COMMD1: variants seen among roughly 807,000 people sequenced by gnomAD.
COMMD1 encodes copper metabolism domain containing 1.
Under a neutral mutation model 17.2 loss-of-function variants are expected in COMMD1, and 10 were observed. The ratio of observed to expected loss-of-function variants is 0.58; its 90% CI spans 0.36 to 0.99. The LOEUF is 0.99. Among genes scored for constraint, COMMD1 ranks in the 50% least tolerant of loss-of-function variants. The probability of loss-of-function intolerance (pLI) is 0.01; values close to 1 mark genes in which losing one functional copy is unlikely to be tolerated. For synonymous variants in COMMD1, 97 were observed against 91.6 expected (o/e 1.06, Z -0.34); for missense variants, 270 against 231.8 (o/e 1.17, Z -1.07).
chr2:61,922,151 G>A (rs116529919), intron 1 of COMMD1, among the ~76,000 whole-genome samples: 2,445 of 152,272 alleles, frequency 0.016, 65 homozygotes, highest in East Asian at 0.091. Context: ...TAGAAAACTT[G>A]GTGATTTTTG....
chr2:62,074,164 A>G (rs1671275069), intron 2 of COMMD1, among the ~76,000 whole-genome samples: 2 of 152,170 alleles, frequency 1.3e-5, no homozygotes, highest in South Asian at 2.1e-4. Flanking sequence ...CATCACATCA[A>G]TGTGTTAATT....
At chr2:62,086,047 C>G (rs891145260) in intron 2 of COMMD1, among the ~76,000 whole-genome samples, 3 of 151,522 alleles carry the variant, frequency 2.0e-5, no homozygotes, top group Admixed American at 2.0e-4. Context: ...CACACCTAGT[C>G]GCATCTACTG....
At chr2:62,056,898 C>G (rs1409580099) in intron 2 of COMMD1, among the ~76,000 whole-genome samples, 2 of 152,218 alleles carry the variant, frequency 1.3e-5, no homozygotes, top group Non-Finnish European at 2.9e-5. Context: ...TCCATACATT[C>G]TGGGTTAAAG....
At chr2:62,093,541 G>T (rs894224549) in intron 2 of COMMD1, among the ~76,000 whole-genome samples, 1 of 152,162 alleles carries the variant, frequency 6.6e-6, no homozygotes, top group African/African-American at 2.4e-5. Context: ...TTTCTCTTGA[G>T]GGGTAGATGC....
At chr2:61,955,216 T>C (rs1159852727) in intron 1 of COMMD1, among the ~76,000 whole-genome samples, 1 of 151,968 alleles carries the variant, frequency 6.6e-6, no homozygotes, top group Non-Finnish European at 1.5e-5. Context: ...CTGCTGGGTG[T>C]GGTGGCTCAT....
At chr2:62,037,890 T>A (rs954643649) in intron 2 of COMMD1, among the ~76,000 whole-genome samples, 1 of 152,236 alleles carries the variant, frequency 6.6e-6, no homozygotes, top group Admixed American at 6.5e-5. Context: ...ACTAGTTTTG[T>A]ACTGTTAGAT....
intron 2 of COMMD1, among the ~76,000 whole-genome samples, chr2:62,112,410 C>T (rs1282322799): frequency 6.6e-6 from 1 of 152,146 alleles, no homozygotes; most frequent in African/African-American, 2.4e-5. Context: ...TTTTTTGTTT[C>T]TCCGGAACAA....
At chr2:62,007,160 T>G (rs991465983) in intron 2 of COMMD1, among the ~76,000 whole-genome samples, 8 of 152,236 alleles carry the variant, frequency 5.3e-5, no homozygotes, top group African/African-American at 1.9e-4. Flanking sequence ...TATTGCCTTT[T>G]CTCAAGTAAG....
intron 2 of COMMD1, among the ~76,000 whole-genome samples, chr2:62,110,557 T>G (rs1672430322): frequency 6.6e-6 from 1 of 152,192 alleles, no homozygotes; most frequent in Non-Finnish European, 1.5e-5. Flanking sequence ...CTCCTTGAGT[T>G]CTGACAGAAG....
At chr2:62,008,345 TAC>T (rs1157482821) in intron 2 of COMMD1, among the ~76,000 whole-genome samples, 17 of 150,666 alleles carry the variant, frequency 1.1e-4, no homozygotes, top group Non-Finnish European at 1.9e-4. Context: ...CAATCTTTCA[TAC>T]ACACACACAG....
At chr2:62,130,060 A>C (rs993091967) in intron 2 of COMMD1, among the ~76,000 whole-genome samples, 1 of 151,672 alleles carries the variant, frequency 6.6e-6, no homozygotes, top group African/African-American at 2.4e-5. Flanking sequence ...CTGTAGTCCC[A>C]GCTATTCAGG....
chr2:62,113,108 G>C (rs1482938342), intron 2 of COMMD1, among the ~76,000 whole-genome samples: 1 of 152,102 alleles, frequency 6.6e-6, no homozygotes, highest in Non-Finnish European at 1.5e-5. Flanking sequence ...TACTTTGGGA[G>C]GCAGAGGTGG....
At chr2:62,073,559 G>A (rs905048834) in intron 2 of COMMD1, among the ~76,000 whole-genome samples, 1 of 152,206 alleles carries the variant, frequency 6.6e-6, no homozygotes, top group Non-Finnish European at 1.5e-5. Flanking sequence ...CTGAACCAAT[G>A]TATACCTTAC....
chr2:61,990,099 G>GAAT lies in COMMD1; in HGVS notation c.181-10600_181-10598dup, dbSNP rs1282352476. ...GCAACTAAGATTTTCTAGGCAGAGA[G>GAAT]AATAGCCTAGGCAAAAGCCAAGAGG... On this transcript the variant is annotated intron_variant, in intron 1 of 2. Coordinates refer to ENST00000311832, the MANE Select transcript of COMMD1 (RefSeq NM_152516.4). Among the ~76,000 whole-genome samples, 2 of 152,194 alleles carry GAAT rather than the reference G, an allele frequency of 1.3e-5. 1 individual carries two copies. The highest frequency in any genetic ancestry group is 4.8e-5 in the African/African-American group (2 of 41,438).
chr2:62,135,743 G>T, intron 2 of COMMD1, 88 bp from the exon 3 acceptor site: 1 of 767,660 alleles, frequency 1.3e-6, no homozygotes, highest in East Asian at 2.5e-5. Context: ...TTGCTGGATT[G>T]GGACCCTGGG....
At chr2:61,903,288 A>T (rs28564413), upstream of COMMD1, among the ~76,000 whole-genome samples, 6 of 152,020 alleles carry the variant, frequency 3.9e-5, no homozygotes, top group South Asian at 1.0e-3. Flanking sequence ...TACAAAAAAT[A>T]CAAAAATTAG....
intron 1 of COMMD1, among the ~76,000 whole-genome samples, chr2:61,997,769 G>C (rs1467830389): frequency 6.6e-6 from 1 of 152,156 alleles, no homozygotes; most frequent in Non-Finnish European, 1.5e-5. Context: ...CACCAGCTGC[G>C]TTAGCCCCTA....
Position 62,119,974 on chromosome 2 carries a change from A to AT in COMMD1, c.463-15849dup, listed in dbSNP as rs530811518. Among the ~76,000 whole-genome samples, 281 of 151,794 alleles carry AT rather than the reference A, an allele frequency of 1.9e-3. 2 individuals carry two copies. Among genetic ancestry groups the AT allele is most frequent in the Middle Eastern group, 0.01 (3 of 294 alleles). ...CAACTCTGGATGACTTTGTTTATTT[A>AT]TTTTTTTTATTATTATTCTTTTTCT... On this transcript the variant is annotated intron_variant, in intron 2 of 2. Transcript: ENST00000311832.
chr2:61,914,381 A>G (rs1558519690), intron 1 of COMMD1, among the ~76,000 whole-genome samples: 1 of 151,934 alleles, frequency 6.6e-6, no homozygotes, highest in East Asian at 2.0e-4. Flanking sequence ...TCTACTAAAA[A>G]TACAAAAATT....
Sources: allele counts gnomAD v4.1 joint callset (sites outside exome capture counted in the v4.1 genomes callset), GRCh38; gene constraint gnomAD v4.1.1; transcripts MANE v1.5; gene names NCBI Gene and HGNC (gene_info 2026-07-23, HGNC 2026-07-21).